Variants in CRIM1 observed in about 807,000 individuals in gnomAD.
CRIM1 encodes the protein cysteine rich transmembrane BMP regulator 1.
CRIM1 carries 32 observed loss-of-function variants against 116.4 expected under a neutral mutation model. The ratio of observed to expected loss-of-function variants is 0.27; its 90% CI spans 0.21 to 0.37. The LOEUF is 0.37. Ranked by LOEUF, CRIM1 falls within the 10% of genes least tolerant of loss-of-function variation. The probability of loss-of-function intolerance (pLI) is 1.00; values close to 1 mark genes in which losing one functional copy is unlikely to be tolerated. For missense variants in CRIM1, 1,331 were observed against 1,354.8 expected (o/e 0.98, Z 0.28); for synonymous variants, 590 against 509.2 (o/e 1.16, Z -2.13).
At chr2:36,381,218 C>T (rs529872031) in intron 1 of CRIM1, among the ~76,000 whole-genome samples, 2 of 152,334 alleles carry the variant, frequency 1.3e-5, no homozygotes, top group East Asian at 3.9e-4. Context: ...TGGACCTGGC[C>T]TGGGAAACAG....
chr2:36,376,125 A>G (rs182771535), intron 1 of CRIM1, among the ~76,000 whole-genome samples: 15 of 152,318 alleles, frequency 9.8e-5, no homozygotes, highest in Admixed American at 3.9e-4. Flanking sequence ...TAGGGCCTGT[A>G]GCTCCTGTTG....
At chr2:36,433,846 T>G (rs3770888) in intron 2 of CRIM1, among the ~76,000 whole-genome samples, 24,405 of 152,100 alleles carry the variant, frequency 0.16, 2,170 homozygotes, top group East Asian at 0.48. Flanking sequence ...AACAATTTAA[T>G]ATGGCATTTT....
intron 2 of CRIM1, among the ~76,000 whole-genome samples, chr2:36,436,000 A>G (rs888206702): frequency 1.3e-5 from 2 of 151,874 alleles, no homozygotes; most frequent in Admixed American, 6.6e-5. Flanking sequence ...TATTATATAT[A>G]GATCTGTTAG....
At chr2:36,462,253 A>G (rs1032656125) in intron 4 of CRIM1, among the ~76,000 whole-genome samples, 1 of 152,260 alleles carries the variant, frequency 6.6e-6, no homozygotes, top group Non-Finnish European at 1.5e-5. Context: ...CGTAATGCAT[A>G]TAATGTTTAC....
At chr2:36,410,645 G>A (rs189067636) in intron 2 of CRIM1, among the ~76,000 whole-genome samples, 28 of 152,074 alleles carry the variant, frequency 1.8e-4, no homozygotes. Context: ...TCCTCTAACA[G>A]AAGGACACTT....
chr2:36,401,879 G>A (rs991554522), intron 2 of CRIM1, among the ~76,000 whole-genome samples: 2 of 152,182 alleles, frequency 1.3e-5, no homozygotes, highest in Non-Finnish European at 2.9e-5. Flanking sequence ...TGTTGTAGTT[G>A]TTGAGGATAC....
chr2:36,495,221 C>G (rs1329038397), intron 7 of CRIM1, among the ~76,000 whole-genome samples: 1 of 152,148 alleles, frequency 6.6e-6, no homozygotes, highest in Non-Finnish European at 1.5e-5. Context: ...CTCCGACACA[C>G]AGTTTCAGTG....
Position 36,355,871 on chromosome 2 carries a change from C to T in CRIM1, c.-422C>T, listed in dbSNP as rs1668762865. 1 of 151,196 alleles carries T rather than the reference C, an allele frequency of 6.6e-6. No homozygotes were observed. The highest frequency in any genetic ancestry group is 2.4e-5 in the African/African-American group (1 of 41,156). The allele number at this position is 151,196 out of a possible 1,614,324, so 9.4% of individuals were successfully genotyped here. A position where few individuals can be genotyped will look rare whatever the true frequency, so the allele number is the denominator to read the frequency against. On this transcript the variant is annotated 5_prime_UTR_variant, in exon 1 of 17. Transcript: ENST00000280527. ...GGCAGCTCGGGAGGCGGGGACCGGC[C>T]CGGAGGCTGCGCCGCTGCGGGGCCG...
In CRIM1 at chr2:36,402,826, A is replaced by G. The variant is rs115361250; in HGVS notation, c.505+6039A>G. Among the ~76,000 whole-genome samples the G allele has an allele frequency of 8.9e-3, 1,356 of 151,978 alleles. 13 individuals carry two copies. The highest frequency in any genetic ancestry group is 0.043 in the Admixed American group (650 of 15,252). On this transcript the variant is annotated intron_variant, in intron 2 of 16. Transcript: ENST00000280527. ...ACTCTTCGATGTGGAGTTTAAGCAA[A>G]TTGTAGTGCCCTTTACTAGAGGGAG...
intron 4 of CRIM1, among the ~76,000 whole-genome samples, chr2:36,457,539 G>A (rs1162075226): frequency 1.3e-5 from 2 of 152,128 alleles, no homozygotes; most frequent in African/African-American, 2.4e-5. Flanking sequence ...GGGTGTAAAT[G>A]CCAGGAAATC....
Position 36,476,885 on chromosome 2 carries a change from T to C in CRIM1, c.992-4T>C. 6.2e-7 allele frequency: 1 copy of C among 1,607,364 alleles called. No homozygotes were observed. The highest frequency in any genetic ancestry group is 8.5e-7 in the Non-Finnish European group (1 of 1,176,622). ...TATGCCTTGTTTGTTTTAACTCTTT[T>C]CAGATACAAAGCCAGCCTGCGTATT... On this transcript the variant is annotated splice_region_variant and splice_polypyrimidine_tract_variant and intron_variant, in intron 5 of 16. Transcript: ENST00000280527.
At chr2:36,427,439 T>C (rs1304368459) in intron 2 of CRIM1, among the ~76,000 whole-genome samples, 1 of 152,100 alleles carries the variant, frequency 6.6e-6, no homozygotes, top group Non-Finnish European at 1.5e-5. Flanking sequence ...GAAGCACTGT[T>C]TGAACTGTGA....
chr2:36,512,545 CT>C, intron 10 of CRIM1, 151 bp downstream of exon 10: 1 of 714,466 alleles, frequency 1.4e-6, no homozygotes, highest in Non-Finnish European at 2.2e-6. Flanking sequence ...ACAGGACTCC[CT>C]TTTCCTTTCA....
At chr2:36,533,473 A>G (rs962507420) in intron 13 of CRIM1, among the ~76,000 whole-genome samples, 1 of 151,790 alleles carries the variant, frequency 6.6e-6, no homozygotes, top group African/African-American at 2.4e-5. Flanking sequence ...ATAATGGTGC[A>G]TACTAGTAGT....
At position 36,549,367 on chromosome 2, in the gene CRIM1, C is replaced by G. The variant is rs149305264; in HGVS notation, c.*666C>G. The G allele has an allele frequency of 5.9e-5, 9 of 152,746 alleles. No homozygotes were observed. In the East Asian group the frequency reaches 7.7e-4, roughly 13 times the overall value. 9.5% of individuals were successfully genotyped at this position (152,746 alleles called of 1,614,324 possible). On this transcript the variant is annotated 3_prime_UTR_variant, in exon 17 of 17. Transcript: ENST00000280527. ...GGGTTATTAAGGATATATACAGTTA[C>G]ACTTTTTGCTGCTTTTATTTTCTTC... is the stretch of plus-strand genomic sequence containing the variant.
chr2:36,398,629 T>A (rs957208160), intron 2 of CRIM1, among the ~76,000 whole-genome samples: 5 of 152,320 alleles, frequency 3.3e-5, no homozygotes, highest in Non-Finnish European at 7.3e-5. Context: ...TTTTCCAACT[T>A]ATTATTTCAG....
At chr2:36,461,813 C>T (rs1048368623) in intron 4 of CRIM1, among the ~76,000 whole-genome samples, 2 of 152,086 alleles carry the variant, frequency 1.3e-5, no homozygotes, top group African/African-American at 2.4e-5. Flanking sequence ...TAAGGAATTG[C>T]TATTTGACCA....
At chr2:36,534,428 G>A (rs1173099264) in intron 13 of CRIM1, among the ~76,000 whole-genome samples, 1 of 140,248 alleles carries the variant, frequency 7.1e-6, no homozygotes, top group African/African-American at 2.8e-5. Context: ...CAGGAAGGAA[G>A]GGGACAGGAA....
At chr2:36,473,118 T>C (rs1478127592) in intron 5 of CRIM1, among the ~76,000 whole-genome samples, 1 of 152,226 alleles carries the variant, frequency 6.6e-6, no homozygotes, top group Non-Finnish European at 1.5e-5. Flanking sequence ...CGTTCTGTCT[T>C]CTTAGCGGGG....
Sources: allele counts gnomAD v4.1 joint callset (sites outside exome capture counted in the v4.1 genomes callset), GRCh38; gene constraint gnomAD v4.1.1; transcripts MANE v1.5; gene names NCBI Gene and HGNC (gene_info 2026-07-23, HGNC 2026-07-21).